Variants in RAB27A observed in about 807,000 individuals in gnomAD.
RAB27A encodes RAB27A, member RAS oncogene family.
RAB27A carries 17 observed loss-of-function variants against 20.8 expected under a neutral mutation model. That is an observed-to-expected ratio of 0.82 (90% CI 0.56 to 1.23). The LOEUF is 1.23. Ranked by LOEUF, RAB27A falls within the 50% of genes most tolerant of loss-of-function variation. The pLI is 0.00. For synonymous variants in RAB27A, 85 were observed against 92.8 expected, an observed-to-expected ratio of 0.92 and a Z score of 0.48; for missense variants, 277 against 266.7, an observed-to-expected ratio of 1.04 and a Z score of -0.27.
intron 6 of RAB27A, among the ~76,000 whole-genome samples, chr15:55,220,384 C>G (rs1323319286): frequency 1.3e-5 from 2 of 152,182 alleles, no homozygotes; most frequent in East Asian, 3.9e-4. Context: ...ATTCTCCTGC[C>G]TCAGCCTCCC....
chr15:55,267,786 G>A (rs561039434), intron 2 of RAB27A, among the ~76,000 whole-genome samples: 15 of 152,274 alleles, frequency 9.9e-5, no homozygotes, highest in African/African-American at 3.4e-4. Flanking sequence ...TTTCCCCTAT[G>A]AGCACTCAGG....
At position 55,248,915 on chromosome 15, in the gene RAB27A, A is replaced by G. The variant is rs548504374; in HGVS notation, c.-22-13959T>C. On this transcript the variant is annotated intron_variant, in intron 2 of 6. Coordinates refer to ENST00000336787, the MANE Select transcript of RAB27A (RefSeq NM_183235.3). ...ATGTTTAAATGTTTCCCTAAATATC[A>G]TATTCTTTAACTGAACCAAAAAAAA... The G allele has an allele frequency of 8.5e-5, 13 of 152,284 alleles. No individual in the cohort carries two copies. The South Asian group carries it at 2.5e-3, about 29-fold the overall frequency. The allele number at this position is 152,284 out of a possible 1,614,324, so 9.4% of individuals were successfully genotyped here.
At chr15:55,214,610 T>C (rs1050486152) in intron 6 of RAB27A, among the ~76,000 whole-genome samples, 2 of 152,224 alleles carry the variant, frequency 1.3e-5, no homozygotes, top group Non-Finnish European at 2.9e-5. Flanking sequence ...AAAAAGTTTG[T>C]TGGGAAAAAT....
intron 2 of RAB27A, among the ~76,000 whole-genome samples, chr15:55,236,714 A>C (rs1314277937): frequency 1.3e-5 from 2 of 152,162 alleles, no homozygotes; most frequent in African/African-American, 2.4e-5. Context: ...TTTCATTAAA[A>C]TTTTATTGAT....
chr15:55,275,159 G>A (rs1387809675), intron 1 of RAB27A, among the ~76,000 whole-genome samples: 1 of 151,708 alleles, frequency 6.6e-6, no homozygotes, highest in Non-Finnish European at 1.5e-5. Flanking sequence ...GGATGAGGCA[G>A]GAGAATCACT....
chr15:55,277,519 C>T (rs1897908271), intron 1 of RAB27A, among the ~76,000 whole-genome samples: 1 of 152,100 alleles, frequency 6.6e-6, no homozygotes, highest in Non-Finnish European at 1.5e-5. Context: ...ATTTATATTT[C>T]CTTCTCCCTC....
At chr15:55,254,967 T>C (rs575764937) in intron 2 of RAB27A, among the ~76,000 whole-genome samples, 3 of 152,258 alleles carry the variant, frequency 2.0e-5, no homozygotes, top group African/African-American at 7.2e-5. Context: ...ATGAAGAAAA[T>C]GCACAAAAAT....
intron 1 of RAB27A, among the ~76,000 whole-genome samples, chr15:55,288,305 G>C (rs952578014): frequency 4.6e-5 from 7 of 152,094 alleles, no homozygotes; most frequent in African/African-American, 1.4e-4. Flanking sequence ...TTGATCACTT[G>C]AGGTCAGGAG....
chr15:55,300,222 C>T (rs1378342400), intron 2 of RAB27A, among the ~76,000 whole-genome samples: 1 of 152,106 alleles, frequency 6.6e-6, no homozygotes, highest in Non-Finnish European at 1.5e-5. Context: ...GTATGACTTA[C>T]TCTCAAAAGA....
At chr15:55,311,411 C>T (rs1266877187) in intron 2 of RAB27A, among the ~76,000 whole-genome samples, 2 of 152,098 alleles carry the variant, frequency 1.3e-5, no homozygotes. Flanking sequence ...GGGAAAATTG[C>T]ACTCTGTGGT....
intron 2 of RAB27A, among the ~76,000 whole-genome samples, chr15:55,294,866 G>A (rs1459674495): frequency 6.6e-6 from 1 of 152,022 alleles, no homozygotes; most frequent in African/African-American, 2.4e-5. Context: ...TGTAAATGGT[G>A]CATAAAAGCA....
intron 1 of RAB27A, among the ~76,000 whole-genome samples, chr15:55,280,286 T>C (rs146456173): frequency 2.9e-3 from 437 of 152,100 alleles, no homozygotes; most frequent in African/African-American, 0.01. Flanking sequence ...GCTGTGTGAC[T>C]CTGCATGAGA....
At chr15:55,275,940 A>C (rs1048269930) in intron 1 of RAB27A, among the ~76,000 whole-genome samples, 2 of 150,782 alleles carry the variant, frequency 1.3e-5, no homozygotes, top group African/African-American at 4.9e-5. Flanking sequence ...AAAAAAAAAA[A>C]CAAGAGATAA....
At chr15:55,221,625 G>C (rs1216764009) in intron 6 of RAB27A, among the ~76,000 whole-genome samples, 1 of 152,162 alleles carries the variant, frequency 6.6e-6, no homozygotes, top group Non-Finnish European at 1.5e-5. Flanking sequence ...AGTCAGCTTG[G>C]CTAGGCTAAA....
intron 6 of RAB27A, among the ~76,000 whole-genome samples, chr15:55,219,379 T>C (rs1895460100): frequency 6.6e-6 from 1 of 152,258 alleles, no homozygotes; most frequent in Admixed American, 6.5e-5. Context: ...TCATATCCTG[T>C]ACAAGAATGA....
intron 2 of RAB27A, among the ~76,000 whole-genome samples, chr15:55,248,648 G>A (rs564628062): frequency 6.6e-6 from 1 of 152,264 alleles, no homozygotes; most frequent in South Asian, 2.1e-4. Flanking sequence ...AATAGATCAC[G>A]TGTTTAAAAT....
intron 6 of RAB27A, among the ~76,000 whole-genome samples, chr15:55,209,230 A>C (rs774668068): frequency 6.6e-6 from 1 of 152,066 alleles, no homozygotes; most frequent in Non-Finnish European, 1.5e-5. Flanking sequence ...CTAACACTAC[A>C]TCTTATTTCT....
chr15:55,266,001 A>T (rs1897465501), intron 2 of RAB27A, among the ~76,000 whole-genome samples: 1 of 152,238 alleles, frequency 6.6e-6, no homozygotes, highest in African/African-American at 2.4e-5. Flanking sequence ...TATGGCAGCC[A>T]CATGGAGACT....
chr15:55,265,282 T>C (rs1415686306), intron 2 of RAB27A, among the ~76,000 whole-genome samples: 1 of 151,744 alleles, frequency 6.6e-6, no homozygotes, highest in Non-Finnish European at 1.5e-5. Flanking sequence ...AACAGAAGTA[T>C]GCACAAGCCG....
Sources: gnomAD v4.1 joint callset for allele counts (sites outside exome capture counted in the v4.1 genomes callset) on GRCh38, gnomAD v4.1.1 for gene constraint, MANE v1.5 for transcripts, NCBI Gene and HGNC (gene_info 2026-07-23, HGNC 2026-07-21) for gene names.